The following ZNF385D variants were observed in gnomAD, a reference collection of about 807,000 sequenced individuals.
The protein encoded by ZNF385D is zinc finger protein 659.
Under a neutral mutation model 35.8 loss-of-function variants are expected in ZNF385D, and 15 were observed. The ratio of observed to expected loss-of-function variants is 0.42; its 90% CI spans 0.28 to 0.64. The LOEUF (loss-of-function observed/expected upper bound fraction) is 0.64. Among genes scored for constraint, ZNF385D ranks in the 30% least tolerant of loss-of-function variants. ZNF385D has a pLI of 0.23. For synonymous variants in ZNF385D, 212 were observed against 186.8 expected, an observed-to-expected ratio of 1.13 and a Z score of -1.10; for missense variants, 474 against 494.6, an observed-to-expected ratio of 0.96 and a Z score of 0.39.
chr3:22,076,765 A>G lies in ZNF385D; in HGVS notation c.325+92052T>C, dbSNP rs1700485865. Among the ~76,000 whole-genome samples, 4 of 151,844 alleles carry G rather than the reference A, an allele frequency of 2.6e-5. No individual in the cohort carries two copies. The Admixed American group carries it at 2.6e-4, about 10-fold the overall frequency. Reference sequence around the variant, plus strand: ...ACCAATTACTCTTCTGTCTCTAATAACAAATTGAAAAATATAGTGACTTAT... The same window carrying G: ...ACCAATTACTCTTCTGTCTCTAATAGCAAATTGAAAAATATAGTGACTTAT... On this transcript the variant is annotated intron_variant, in intron 3 of 5. Coordinates refer to the ZNF385D transcript ENST00000494108.
intron 3 of ZNF385D, among the ~76,000 whole-genome samples, chr3:21,763,369 T>A (rs142105492): frequency 1.2e-3 from 187 of 152,210 alleles, no homozygotes; most frequent in African/African-American, 4.1e-3. Context: ...GTGTCATTAC[T>A]TCGAAAAGAA....
intron 2 of ZNF385D, among the ~76,000 whole-genome samples, chr3:22,235,928 A>G (rs78835581): frequency 4.6e-5 from 7 of 152,256 alleles, no homozygotes; most frequent in African/African-American, 1.7e-4. Context: ...TTAAAATTCA[A>G]AACTGCACAT....
At chr3:21,766,861 T>G (rs1278328323) in intron 3 of ZNF385D, among the ~76,000 whole-genome samples, 1 of 152,026 alleles carries the variant, frequency 6.6e-6, no homozygotes. Context: ...GGTGAACCAG[T>G]GTACTGGAAA....
intron 3 of ZNF385D, among the ~76,000 whole-genome samples, chr3:21,798,707 G>C (rs1377966724): frequency 6.6e-6 from 1 of 152,138 alleles, no homozygotes; most frequent in Non-Finnish European, 1.5e-5. Context: ...AGGTATCCCA[G>C]CCACTCAAAG....
At chr3:21,752,868 A>T (rs2070168783), upstream of ZNF385D, among the ~76,000 whole-genome samples, 1 of 152,198 alleles carries the variant, frequency 6.6e-6, no homozygotes, top group South Asian at 2.1e-4. Flanking sequence ...AAGTACAATT[A>T]GTAGTTCTTC....
chr3:21,595,289 C>CTATTCACATA (rs893197914), intron 2 of ZNF385D, among the ~76,000 whole-genome samples: 2 of 151,976 alleles, frequency 1.3e-5, no homozygotes, highest in Non-Finnish European at 2.9e-5. Flanking sequence ...CAGGCGAGCC[C>CTATTCACATA]TATTCACATA....
chr3:22,264,035 A>C (rs916683551), intron 2 of ZNF385D, among the ~76,000 whole-genome samples: 4 of 152,044 alleles, frequency 2.6e-5, no homozygotes, highest in Non-Finnish European at 4.4e-5. Flanking sequence ...GAGCAATGTG[A>C]ATATAAATAT....
intron 2 of ZNF385D, among the ~76,000 whole-genome samples, chr3:22,290,722 C>T (rs1236640032): frequency 2.6e-5 from 4 of 152,074 alleles, no homozygotes; most frequent in South Asian, 2.1e-4. Flanking sequence ...AAAAATCCAA[C>T]GTGTAGGATT....
chr3:21,742,246 G>A (rs186172910), intron 1 of ZNF385D, among the ~76,000 whole-genome samples: 4 of 152,276 alleles, frequency 2.6e-5, no homozygotes, highest in Admixed American at 6.5e-5. Flanking sequence ...GTCCAAAGCC[G>A]TGCTACCAGA....
chr3:21,700,194 G>A (rs1299097015), intron 1 of ZNF385D, among the ~76,000 whole-genome samples: 2 of 152,140 alleles, frequency 1.3e-5, no homozygotes, highest in East Asian at 3.9e-4. Flanking sequence ...GCCAGGTTGT[G>A]GGGGTAAAGG....
Position 21,610,148 on chromosome 3 carries a change from A to AAAAC in ZNF385D, c.166-45465_166-45464insGTTT, listed in dbSNP as rs1242445492. Among the ~76,000 whole-genome samples the AAAAC allele has an allele frequency of 4.3e-4, 66 of 152,086 alleles. 1 individual carries two copies. The East Asian group carries it at 0.011, about 26-fold the overall frequency. On this transcript the variant is annotated intron_variant, in intron 2 of 7. Transcript: ENST00000281523. Reference sequence around the variant, plus strand: ...TTAGGCAACAGTCGCATCTACCAAAAAAAAAATGTGTTTATGCATATATAT... The same window carrying AAAAC: ...TTAGGCAACAGTCGCATCTACCAAAAAAACAAAAAATGTGTTTATGCATATATAT...
At chr3:22,252,751 C>G (rs1023550319) in intron 2 of ZNF385D, among the ~76,000 whole-genome samples, 4 of 151,974 alleles carry the variant, frequency 2.6e-5, no homozygotes, top group Non-Finnish European at 5.9e-5. Context: ...AAAGAATTAA[C>G]GTTTTCACAT....
intron 3 of ZNF385D, among the ~76,000 whole-genome samples, chr3:21,894,102 T>A (rs1204244575): frequency 6.6e-6 from 1 of 152,176 alleles, no homozygotes; most frequent in Non-Finnish European, 1.5e-5. Context: ...CTTAAATTTT[T>A]AAACTTGCAT....
intron 3 of ZNF385D, among the ~76,000 whole-genome samples, chr3:21,820,425 T>C (rs2073350180): frequency 6.6e-6 from 1 of 151,856 alleles, no homozygotes; most frequent in Admixed American, 6.6e-5. Flanking sequence ...ATTATGCAAA[T>C]ACTTCATAGC....
chr3:21,446,349 G>A (rs554695002), intron 4 of ZNF385D, among the ~76,000 whole-genome samples: 1 of 152,266 alleles, frequency 6.6e-6, no homozygotes, highest in East Asian at 1.9e-4. Context: ...AACTGAGGGA[G>A]TTCCTGCGAC....
chr3:22,149,538 G>A (rs78053538), intron 3 of ZNF385D, among the ~76,000 whole-genome samples: 1,801 of 152,156 alleles, frequency 0.012, 16 homozygotes, highest in South Asian at 0.026. Flanking sequence ...TTTGGGGTAG[G>A]CCCCAATAAT....
intron 3 of ZNF385D, among the ~76,000 whole-genome samples, chr3:21,780,183 G>A (rs2071435571): frequency 6.6e-6 from 1 of 151,972 alleles, no homozygotes; most frequent in Non-Finnish European, 1.5e-5. Flanking sequence ...AACATTTACT[G>A]TGTGCCAGGC....
intron 2 of ZNF385D, chr3:21,579,814 C>T (rs918131681): frequency 1.3e-5 from 2 of 151,944 alleles, no homozygotes; most frequent in Admixed American, 6.6e-5. Context: ...GTACATCATT[C>T]CAATCCTCCC....
intron 3 of ZNF385D, among the ~76,000 whole-genome samples, chr3:22,076,867 G>A (rs184458629): frequency 6.6e-6 from 1 of 151,904 alleles, no homozygotes; most frequent in East Asian, 1.9e-4. Context: ...TTAAAATTCT[G>A]TATGACTGTA....
Sources: gnomAD v4.1 joint callset for allele counts (sites outside exome capture counted in the v4.1 genomes callset) on GRCh38, gnomAD v4.1.1 for gene constraint, MANE v1.5 for transcripts, NCBI Gene and HGNC (gene_info 2026-07-23, HGNC 2026-07-21) for gene names.